HDX: variants seen among roughly 807,000 people sequenced by gnomAD.
The protein encoded by HDX is highly divergent homeobox.
A neutral mutation model predicts 45.2 loss-of-function variants in HDX; 19 were observed. The observed-to-expected ratio is 0.42, with a 90% CI of 0.29 to 0.62. The LOEUF (loss-of-function observed/expected upper bound fraction) is 0.62, where lower values mean the gene tolerates loss of function less well. Among genes scored for constraint, HDX ranks in the 20% least tolerant of loss-of-function variants. The probability of loss-of-function intolerance (pLI) is 0.20; values close to 1 mark genes in which losing one functional copy is unlikely to be tolerated. For missense variants in HDX, 532 were observed against 493.9 expected (o/e 1.08, Z -0.73); for synonymous variants, 188 against 172.8 (o/e 1.09, Z -0.69).
chrX:84,414,426 G>A (rs1239546479), intron 5 of HDX, among the ~76,000 whole-genome samples: 1 of 111,512 alleles, frequency 9.0e-6, no homozygotes, highest in African/African-American at 3.3e-5. Flanking sequence ...GGGTAGAGGG[G>A]AATAGAGTTA....
intron 5 of HDX, among the ~76,000 whole-genome samples, chrX:84,406,047 T>A (rs907647879): frequency 2.7e-5 from 3 of 110,732 alleles, no homozygotes; most frequent in African/African-American, 9.8e-5. Context: ...AAACACAATA[T>A]GTGTCCGTGA....
chrX:84,386,730 A>AT (rs907025280), intron 5 of HDX, among the ~76,000 whole-genome samples: 17 of 110,832 alleles, frequency 1.5e-4, no homozygotes, highest in Admixed American at 6.7e-4. Flanking sequence ...AATTATTTGG[A>AT]TTTTTTCTGT....
chrX:84,388,683 T>C (rs1250357646), intron 5 of HDX, among the ~76,000 whole-genome samples: 2 of 111,891 alleles, frequency 1.8e-5, no homozygotes, highest in African/African-American at 6.5e-5. Flanking sequence ...GTCTATTTTA[T>C]CCTTCAGCTC....
intron 10 of HDX, among the ~76,000 whole-genome samples, chrX:84,323,608 G>C (rs906231429): frequency 9.0e-6 from 1 of 111,292 alleles, no homozygotes; most frequent in Non-Finnish European, 1.9e-5. Flanking sequence ...ATAAGTAGTT[G>C]AGTAAAATGA....
intron 4 of HDX, among the ~76,000 whole-genome samples, chrX:84,464,735 T>C (rs1910368511): frequency 1.8e-5 from 2 of 111,507 alleles, no homozygotes; most frequent in African/African-American, 6.5e-5. Context: ...GAACAAAACC[T>C]AGGCAATACC....
chrX:84,493,775 AAG>A (rs2040942783), intron 1 of HDX, among the ~76,000 whole-genome samples: 6 of 111,916 alleles, frequency 5.4e-5, no homozygotes, highest in Non-Finnish European at 1.1e-4. Flanking sequence ...CAGAAAGAAT[AAG>A]TACCTAGTAT....
At chrX:84,436,710 T>C (rs139390961) in intron 5 of HDX, among the ~76,000 whole-genome samples, 1,633 of 112,158 alleles carry the variant, frequency 0.015, 27 homozygotes, top group African/African-American at 0.051. Flanking sequence ...TTTTAACTTT[T>C]AAAAATGTGT....
rs957272785 is a variant in HDX at position 84,415,605 on chromosome X, G to T, written c.1305+24927C>A. On this transcript the variant is annotated intron_variant, in intron 5 of 10. Coordinates refer to ENST00000373177, the MANE Select transcript of HDX (RefSeq NM_001177479.2). ...TTCCTTGGCCATAGAGACAATAGCTGCTTTCTGCATTTATACTGTTGTTGC... is the reference window on the plus strand; with the variant it reads ...TTCCTTGGCCATAGAGACAATAGCTTCTTTCTGCATTTATACTGTTGTTGC... Among the ~76,000 whole-genome samples the T allele has an allele frequency of 9.8e-5, 11 of 111,825 alleles. No homozygotes were observed. In the Admixed American group the frequency reaches 1.0e-3, roughly 11 times the overall value.
chrX:84,484,633 A>T (rs1252284332), intron 2 of HDX, among the ~76,000 whole-genome samples: 1 of 111,958 alleles, frequency 8.9e-6, no homozygotes, highest in African/African-American at 3.2e-5. Flanking sequence ...ATTTACTTAT[A>T]TTCCTACCAA....
chrX:84,339,176 T>C, intron 7 of HDX, among the ~76,000 whole-genome samples: 1 of 111,838 alleles, frequency 8.9e-6, no homozygotes, highest in South Asian at 3.7e-4. Context: ...ATATGTGGAA[T>C]CTTAAAAACA....
chrX:84,488,322 AAAACACACACAC>A (rs1207090794), intron 1 of HDX, among the ~76,000 whole-genome samples, 190 bp from the exon 2 acceptor site: 7 of 46,035 alleles, frequency 1.5e-4, no homozygotes, highest in Non-Finnish European at 2.8e-4. Flanking sequence ...TTTAAAATCT[AAAACACACACAC>A]ACACACACAC....
At chrX:84,382,425 C>T (rs750956459) in intron 5 of HDX, among the ~76,000 whole-genome samples, 2 of 111,290 alleles carry the variant, frequency 1.8e-5, no homozygotes, top group Non-Finnish European at 3.8e-5. Flanking sequence ...TTACAATAGC[C>T]AAAATTTGGA....
intron 4 of HDX, among the ~76,000 whole-genome samples, chrX:84,467,914 A>G (rs1290596501): frequency 8.9e-6 from 1 of 112,180 alleles, no homozygotes; most frequent in East Asian, 2.8e-4. Context: ...TCTTTTCCCT[A>G]TAAACATTTT....
At chrX:84,410,448 T>G (rs1389978592) in intron 5 of HDX, among the ~76,000 whole-genome samples, 1 of 111,733 alleles carries the variant, frequency 8.9e-6, no homozygotes, top group East Asian at 2.8e-4. Context: ...GTGCGCACGT[T>G]TATGTAATAA....
intron 4 of HDX, among the ~76,000 whole-genome samples, chrX:84,448,437 C>T (rs1161692577): frequency 9.0e-6 from 1 of 111,494 alleles, no homozygotes; most frequent in African/African-American, 3.3e-5. Context: ...GCCACAGCCA[C>T]TGAGGCCCAT....
Position 84,475,370 on chromosome X carries a change from C to T in HDX, c.28G>A (p.Glu10Lys), listed in dbSNP as rs368519951. 2.3e-5 allele frequency: 26 copies of T among 1,141,091 alleles called. No individual in the cohort carries two copies. Among genetic ancestry groups the T allele is most frequent in the Non-Finnish European group, 3.1e-5 (26 of 843,701 alleles). The allele number at this position is 1,141,091 out of a possible 1,213,427, so 94.0% of individuals were successfully genotyped here. A position where few individuals can be genotyped will look rare whatever the true frequency, so the allele number is the denominator to read the frequency against. MNLRSVFTV[E>K]QQRILQRYYE... ...TAACGCTGTAAAATCCTTTGTTGTT[C>T]TACAGTAAATACAGAACGTAGATTC... The change falls in exon 3 of 11, where the codon GAA (glutamate) becomes AAA (lysine). Residue 10 changes from glutamate (E) to lysine (K), a missense_variant. Glu to Lys is a moderately conservative substitution (Grantham distance 56). This residue lies in a region of HDX where 376 missense variants were observed against 343.7 expected (regional missense o/e 1.09). Coordinates refer to ENST00000373177, the MANE Select transcript of HDX (RefSeq NM_001177479.2).
chrX:84,489,473 G>A (rs1415308382), intron 1 of HDX, among the ~76,000 whole-genome samples: 2 of 111,910 alleles, frequency 1.8e-5, no homozygotes, highest in African/African-American at 3.2e-5. Flanking sequence ...TGTTGTAGAG[G>A]TTGGGGACTC....
At chrX:84,422,791 C>T (rs761528649) in intron 5 of HDX, among the ~76,000 whole-genome samples, 12 of 105,131 alleles carry the variant, frequency 1.1e-4, no homozygotes, top group African/African-American at 4.2e-4. Flanking sequence ...GCCTCAGCCT[C>T]CCGAGTAGCT....
chrX:84,341,384 C>T (rs192936219), intron 7 of HDX, among the ~76,000 whole-genome samples: 1 of 111,350 alleles, frequency 9.0e-6, no homozygotes, highest in Non-Finnish European at 1.9e-5. Flanking sequence ...TTTCCCTGTA[C>T]ACTTAATTCT....
Sources: allele counts gnomAD v4.1 joint callset (sites outside exome capture counted in the v4.1 genomes callset), GRCh38; gene constraint gnomAD v4.1.1; regional missense constraint gnomAD v4.1.1; transcripts MANE v1.5; gene names NCBI Gene and HGNC (gene_info 2026-07-23, HGNC 2026-07-21).